CSMD3: variants seen among roughly 807,000 people sequenced by gnomAD.
The protein encoded by CSMD3 is CUB and sushi domain-containing protein 3.
CSMD3 carries 177 observed loss-of-function variants against 435.2 expected under a neutral mutation model. The observed-to-expected ratio is 0.41, with a 90% CI of 0.36 to 0.46. CSMD3 has a LOEUF of 0.46. Ranked by LOEUF, CSMD3 falls within the 20% of genes least tolerant of loss-of-function variation. The pLI, the probability that CSMD3 is intolerant of heterozygous loss-of-function variation, is 0.34. For synonymous variants in CSMD3, 1,656 were observed against 1,520.5 expected (o/e 1.09, Z -2.07); for missense variants, 4,265 against 4,504.6 (o/e 0.95, Z 1.52).
chr8:113,130,372 T>G (rs1405164705), intron 4 of CSMD3, among the ~76,000 whole-genome samples: 3 of 152,046 alleles, frequency 2.0e-5, no homozygotes, highest in Non-Finnish European at 4.4e-5. Flanking sequence ...CTCCTTGCTG[T>G]TCTCATGACG....
chr8:113,283,919 G>A (rs552658025), intron 2 of CSMD3, among the ~76,000 whole-genome samples: 4 of 152,130 alleles, frequency 2.6e-5, no homozygotes, highest in Admixed American at 1.3e-4. Flanking sequence ...AAAAAGGAAT[G>A]AATTAACAGC....
intron 1 of CSMD3, among the ~76,000 whole-genome samples, chr8:113,363,031 A>T (rs2094287576): frequency 6.6e-6 from 1 of 152,156 alleles, no homozygotes; most frequent in Admixed American, 6.5e-5. Context: ...TTTTCCTCAC[A>T]GATAATTTCT....
chr8:112,615,437 T>G (rs541454804), intron 22 of CSMD3, among the ~76,000 whole-genome samples: 1 of 152,232 alleles, frequency 6.6e-6, no homozygotes, highest in African/African-American at 2.4e-5. Flanking sequence ...CCTGCAAATT[T>G]TAATTGAGAG....
In CSMD3 at chr8:112,623,803, C is replaced by T. The variant is rs140157494; in HGVS notation, c.3715+13014G>A. On this transcript the variant is annotated intron_variant, in intron 22 of 70. Coordinates refer to ENST00000297405, the MANE Select transcript of CSMD3 (RefSeq NM_198123.2). ...TCCATCATTTGTCTTAAAGAAATTG[C>T]TAATGTCTAGTTCATCTTTTCTATA... is the stretch of plus-strand genomic sequence containing the variant. 3.7e-4 allele frequency among the ~76,000 whole-genome samples: 57 copies of T among 152,080 alleles called. 1 individual carries two copies. The East Asian group carries it at 8.1e-3, about 22-fold the overall frequency.
At chr8:113,185,029 C>A (rs1480462) in intron 3 of CSMD3, among the ~76,000 whole-genome samples, 101,736 of 151,908 alleles carry the variant, frequency 0.67, 35,556 homozygotes, top group East Asian at 0.95. Context: ...GTGGGTAGCA[C>A]GTGCTTCCCC....
chr8:112,817,567 C>A (rs575450482), intron 12 of CSMD3, among the ~76,000 whole-genome samples: 1 of 151,946 alleles, frequency 6.6e-6, no homozygotes, highest in Admixed American at 6.6e-5. Context: ...TGTCACTAGA[C>A]GACTCTGAAG....
At chr8:112,745,769 GCTTA>G (rs1197888155) in intron 13 of CSMD3, among the ~76,000 whole-genome samples, 1 of 150,014 alleles carries the variant, frequency 6.7e-6, no homozygotes, top group Admixed American at 6.6e-5. Context: ...TGACTATAAT[GCTTA>G]CTAATACAAA....
intron 6 of CSMD3, 100 bp downstream of exon 6, chr8:113,018,967 A>C (rs569097203): frequency 1.2e-6 from 1 of 839,588 alleles, no homozygotes; most frequent in South Asian, 1.4e-5. Flanking sequence ...ACAAATTCCA[A>C]TTTCTAAATG....
chr8:112,545,178 G>A (rs1827035440), intron 27 of CSMD3, among the ~76,000 whole-genome samples: 1 of 151,970 alleles, frequency 6.6e-6, no homozygotes, highest in Admixed American at 6.6e-5. Context: ...ATCTGTCAGG[G>A]CAACAATGTC....
At chr8:113,208,016 G>C (rs2092790865) in intron 3 of CSMD3, among the ~76,000 whole-genome samples, 1 of 152,134 alleles carries the variant, frequency 6.6e-6, no homozygotes, top group Non-Finnish European at 1.5e-5. Context: ...GCCGATGGTA[G>C]AATGCTTTAT....
At chr8:112,530,981 G>T (rs937897480) in intron 27 of CSMD3, among the ~76,000 whole-genome samples, 1 of 152,140 alleles carries the variant, frequency 6.6e-6, no homozygotes, top group Non-Finnish European at 1.5e-5. Flanking sequence ...CAATGACCTG[G>T]AAGGCTGTGG....
At chr8:112,469,400 G>C (rs2123487) in intron 32 of CSMD3, among the ~76,000 whole-genome samples, 42,965 of 151,910 alleles carry the variant, frequency 0.28, 6,377 homozygotes, top group East Asian at 0.5. Flanking sequence ...TTTTACATAA[G>C]GATGTTAGAG....
chr8:112,457,408 C>A (rs1171713807), intron 32 of CSMD3, among the ~76,000 whole-genome samples: 1 of 152,060 alleles, frequency 6.6e-6, no homozygotes, highest in Admixed American at 6.6e-5. Flanking sequence ...AAACTGAATT[C>A]TTAAAAGGTA....
chr8:112,531,862 T>C (rs1257811113), intron 27 of CSMD3, among the ~76,000 whole-genome samples: 1 of 152,106 alleles, frequency 6.6e-6, no homozygotes, highest in African/African-American at 2.4e-5. Context: ...AAATATGATC[T>C]AAGCAAACAG....
intron 13 of CSMD3, among the ~76,000 whole-genome samples, chr8:112,795,269 T>C (rs944581280): frequency 5.3e-5 from 8 of 152,082 alleles, no homozygotes; most frequent in Non-Finnish European, 8.8e-5. Context: ...AAGGGATTGG[T>C]CATCATGTTC....
intron 12 of CSMD3, among the ~76,000 whole-genome samples, chr8:112,819,845 A>G (rs1002917378): frequency 2.6e-5 from 4 of 152,192 alleles, no homozygotes; most frequent in African/African-American, 9.7e-5. Context: ...ATGTGGAAAT[A>G]TAAAAAAAAG....
chr8:113,006,176 T>C (rs922260915), intron 6 of CSMD3, among the ~76,000 whole-genome samples: 1 of 152,102 alleles, frequency 6.6e-6, no homozygotes, highest in Admixed American at 6.6e-5. Context: ...TCTCCAGAGA[T>C]GACAGAGGCT....
intron 11 of CSMD3, among the ~76,000 whole-genome samples, chr8:112,844,566 TC>T (rs1564017437): frequency 6.6e-6 from 1 of 151,956 alleles, no homozygotes; most frequent in Non-Finnish European, 1.5e-5. Context: ...ATTTATCACT[TC>T]CCCCAACCTG....
At chr8:112,892,490 T>A (rs550040564) in intron 10 of CSMD3, among the ~76,000 whole-genome samples, 1 of 151,702 alleles carries the variant, frequency 6.6e-6, no homozygotes, top group South Asian at 2.1e-4. Flanking sequence ...GTCCTACATA[T>A]ATGAAGTTTT....
Sources: allele counts gnomAD v4.1 joint callset (sites outside exome capture counted in the v4.1 genomes callset), GRCh38; gene constraint gnomAD v4.1.1; transcripts MANE v1.5; gene names NCBI Gene and HGNC (gene_info 2026-07-23, HGNC 2026-07-21).